The following SLC22A5 variants were observed in gnomAD, a reference collection of about 807,000 sequenced individuals.
SLC22A5 encodes the protein organic cation/carnitine transporter 2.
A neutral mutation model predicts 56.7 loss-of-function variants in SLC22A5; 44 were observed. That is an observed-to-expected ratio of 0.78 (90% confidence interval 0.61 to 1.00). The LOEUF (loss-of-function observed/expected upper bound fraction) is 1.00, where lower values mean the gene tolerates loss of function less well. Among genes scored for constraint, SLC22A5 ranks in the 50% least tolerant of loss-of-function variants. The probability of loss-of-function intolerance (pLI) is 0.00; values close to 1 mark genes in which losing one functional copy is unlikely to be tolerated. For missense variants in SLC22A5, 675 were observed against 723.0 expected (o/e 0.93, Z 0.76); for synonymous variants, 278 against 292.1 (o/e 0.95, Z 0.49).
At chr5:132,381,589 A>G (rs923039150) in intron 2 of SLC22A5, 4 of 152,280 alleles carry the variant, frequency 2.6e-5, no homozygotes, top group African/African-American at 9.6e-5. Context: ...TTTATATAGT[A>G]TAAAGGTTTC....
intron 4 of SLC22A5, among the ~76,000 whole-genome samples, chr5:132,386,440 A>G (rs1752532764): frequency 6.6e-6 from 1 of 152,114 alleles, no homozygotes; most frequent in South Asian, 2.1e-4. Flanking sequence ...TGCGTTGGCC[A>G]GGCTGGTCTG....
chr5:132,377,787 G>C, intron 1 of SLC22A5: 1 of 208,742 alleles, frequency 4.8e-6, no homozygotes, highest in Non-Finnish European at 9.7e-6. Flanking sequence ...AGGACTTTCA[G>C]CTGTAATTGA....
intron 1 of SLC22A5, among the ~76,000 whole-genome samples, chr5:132,372,034 G>A (rs936237525): frequency 2.0e-5 from 3 of 152,200 alleles, no homozygotes; most frequent in Admixed American, 6.5e-5. Context: ...ATTTGGACCT[G>A]CTTTCTCCAC....
At position 132,378,234 on chromosome 5, in the gene SLC22A5, A is replaced by G. The variant is rs1167803582; in HGVS notation, c.394-144A>G. On this transcript the variant is annotated intron_variant, in intron 1 of 9. Coordinates refer to ENST00000245407, the MANE Select transcript of SLC22A5 (RefSeq NM_003060.4). ...AAGCCTGCTCTCTGCCTTCCTGCCC[A>G]GGTGAGCCATCACCTGACTAAGTGA... 7 of 1,613,964 alleles carry G rather than the reference A, an allele frequency of 4.3e-6. No individual in the cohort carries two copies. The South Asian group carries it at 7.7e-5, about 18-fold the overall frequency.
Position 132,395,306 on chromosome 5 carries a change from C to CT in SLC22A5, c.*1035dup, listed in dbSNP as rs1213858911. On this transcript the variant is annotated 3_prime_UTR_variant, in exon 10 of 10. Coordinates refer to ENST00000245407, the MANE Select transcript of SLC22A5 (RefSeq NM_003060.4). ...ACCAGCCCTAGCCTCTAGCACTTCTCTAAGTGCCAAAAACAGTGTCATTGT... is the reference window on the plus strand; with the variant it reads ...ACCAGCCCTAGCCTCTAGCACTTCTCTTAAGTGCCAAAAACAGTGTCATTGT... 6.6e-6 allele frequency: 1 copy of CT among 151,852 alleles called. No individual in the cohort carries two copies. Among genetic ancestry groups the CT allele is most frequent in the Non-Finnish European group, 1.5e-5 (1 of 67,946 alleles). 9.4% of individuals were successfully genotyped at this position (151,852 alleles called of 1,614,324 possible).
intron 1 of SLC22A5, among the ~76,000 whole-genome samples, chr5:132,371,853 G>GC (rs1206588459): frequency 6.6e-6 from 1 of 152,092 alleles, no homozygotes; most frequent in Non-Finnish European, 1.5e-5. Flanking sequence ...GGATGTTGGT[G>GC]CTGAGCCTCC....
intron 2 of SLC22A5, 97 bp from the exon 3 acceptor site, chr5:132,384,050 C>T: frequency 8.3e-7 from 1 of 1,208,516 alleles, no homozygotes; most frequent in Middle Eastern, 1.9e-4. Flanking sequence ...TGTTCACACC[C>T]ACTTACTGGA....
chr5:132,384,752 G>A (rs1414055232), intron 3 of SLC22A5, among the ~76,000 whole-genome samples: 1 of 152,126 alleles, frequency 6.6e-6, no homozygotes, highest in Non-Finnish European at 1.5e-5. Flanking sequence ...TGATATCTAC[G>A]GACAAGAATA....
At position 132,390,822 on chromosome 5, in the gene SLC22A5, A is replaced by G. The variant is rs916795176; in HGVS notation, c.1185A>G (p.Gln395=). The G allele has an allele frequency of 6.8e-6, 11 of 1,614,024 alleles. No individual in the cohort carries two copies. The highest frequency in any genetic ancestry group is 2.7e-5 in the African/African-American group (2 of 74,900). Residue 395 remains glutamine, a synonymous_variant, in exon 7 of 10, where the codon CAA becomes CAG. Coordinates refer to ENST00000245407, the MANE Select transcript of SLC22A5 (RefSeq NM_003060.4). ...PAYVLAWLLL[Q]YLPRRYSMAT... Reference sequence around the variant, plus strand: ...ATGTGTTGGCCTGGCTGCTGCTGCAATATTTGCCCCGGCGCTATTCCATGG... The same window carrying G: ...ATGTGTTGGCCTGGCTGCTGCTGCAGTATTTGCCCCGGCGCTATTCCATGG...
At chr5:132,375,602 A>G (rs1225185245) in intron 1 of SLC22A5, among the ~76,000 whole-genome samples, 1 of 152,236 alleles carries the variant, frequency 6.6e-6, no homozygotes, top group Non-Finnish European at 1.5e-5. Flanking sequence ...TAGGAGACAC[A>G]ATTCTCCCTC....
chr5:132,388,574 G>A (rs1037390759), intron 5 of SLC22A5, among the ~76,000 whole-genome samples: 2 of 152,162 alleles, frequency 1.3e-5, no homozygotes, highest in Non-Finnish European at 1.5e-5. Flanking sequence ...CAGGGAGCCA[G>A]GCTTCGGGAG....
intron 2 of SLC22A5, chr5:132,382,110 C>A (rs1270752174): frequency 6.6e-6 from 1 of 152,064 alleles, no homozygotes; most frequent in African/African-American, 2.4e-5. Context: ...GAATATTTAA[C>A]AACATATCTG....
intron 2 of SLC22A5, 175 bp from the exon 3 acceptor site, chr5:132,383,972 G>A: frequency 1.5e-6 from 1 of 677,530 alleles, no homozygotes. Context: ...GGGGAGTGGG[G>A]AGGGGGAGAA....
At chr5:132,389,237 G>C (rs1398039783) in intron 6 of SLC22A5, 4 of 536,404 alleles carry the variant, frequency 7.5e-6, no homozygotes, top group Non-Finnish European at 1.4e-5. Flanking sequence ...TGTGGAGGCT[G>C]TTGTGGGAAA....
intron 4 of SLC22A5, among the ~76,000 whole-genome samples, chr5:132,386,095 G>A (rs1033220303): frequency 6.6e-6 from 1 of 152,236 alleles, no homozygotes; most frequent in African/African-American, 2.4e-5. Context: ...CGCACATCAT[G>A]GGGCCCAGTC....
chr5:132,389,133 G>A, intron 6 of SLC22A5, 112 bp downstream of exon 6: 1 of 730,386 alleles, frequency 1.4e-6, no homozygotes, highest in South Asian at 1.5e-5. Flanking sequence ...TGTCATCAGA[G>A]AGTGAAAAGG....
chr5:132,390,399 C>T, intron 6 of SLC22A5: 1 of 454,476 alleles, frequency 2.2e-6, no homozygotes, highest in Non-Finnish European at 4.0e-6. Flanking sequence ...TGGAATTTTT[C>T]TTTTCAATGA....
intron 1 of SLC22A5, among the ~76,000 whole-genome samples, chr5:132,374,524 G>T (rs993739479): frequency 1.3e-5 from 2 of 152,148 alleles, no homozygotes; most frequent in Admixed American, 1.3e-4. Flanking sequence ...GAACCTCACT[G>T]TTACGCCTTT....
Position 132,369,866 on chromosome 5 carries a change from G to A in SLC22A5, c.-107G>A. Reference sequence around the variant, plus strand: ...TACCCTCCGCGGACGGTCTTGGGTCGCCTGCTGCCTGGCTTGCCTGGTCGG... The same window carrying A: ...TACCCTCCGCGGACGGTCTTGGGTCACCTGCTGCCTGGCTTGCCTGGTCGG... On this transcript the variant is annotated 5_prime_UTR_variant, in exon 1 of 10. Transcript: ENST00000245407. 2 of 1,457,380 alleles carry A rather than the reference G, an allele frequency of 1.4e-6. No individual in the cohort carries two copies. The highest frequency in any genetic ancestry group is 9.2e-7 in the Non-Finnish European group (1 of 1,089,856). The allele number at this position is 1,457,380 out of a possible 1,614,324, so 90.3% of individuals were successfully genotyped here. A position where few individuals can be genotyped will look rare whatever the true frequency, so the allele number is the denominator to read the frequency against.
Sources: gnomAD v4.1 joint callset for allele counts (sites outside exome capture counted in the v4.1 genomes callset) on GRCh38, gnomAD v4.1.1 for gene constraint, MANE v1.5 for transcripts, NCBI Gene and HGNC (gene_info 2026-07-23, HGNC 2026-07-21) for gene names.